The following UNC13B variants were observed in gnomAD, a reference collection of about 807,000 sequenced individuals.
The protein encoded by UNC13B is protein unc-13 homolog B.
Under a neutral mutation model 211.0 loss-of-function variants are expected in UNC13B, and 144 were observed. The ratio of observed to expected loss-of-function variants is 0.68; its 90% confidence interval spans 0.60 to 0.78. UNC13B has a LOEUF of 0.78. Among genes scored for constraint, UNC13B ranks in the 30% least tolerant of loss-of-function variants. The pLI, the probability that UNC13B is intolerant of heterozygous loss-of-function variation, is 0.00. For synonymous variants in UNC13B, 709 were observed against 725.8 expected (o/e 0.98, Z 0.37); for missense variants, 1,777 against 2,002.0 (o/e 0.89, Z 2.14).
At chr9:35,401,334 G>C (rs1836286512) in intron 37 of UNC13B, among the ~76,000 whole-genome samples, 1 of 152,196 alleles carries the variant, frequency 6.6e-6, no homozygotes, top group African/African-American at 2.4e-5. Context: ...GGGACCGAAA[G>C]TACTGCTCTA....
At chr9:35,209,667 A>G (rs935763129) in intron 1 of UNC13B, among the ~76,000 whole-genome samples, 1 of 152,198 alleles carries the variant, frequency 6.6e-6, no homozygotes, top group Non-Finnish European at 1.5e-5. Flanking sequence ...CATGGGCCAC[A>G]CGCCCAGCCA....
rs748043867 is a variant in UNC13B at position 35,303,906 on chromosome 9, T to A, written c.4502T>A (p.Val1501Asp). 7.3e-5 allele frequency: 29 copies of A among 398,668 alleles called. No homozygotes were observed. The highest frequency in any genetic ancestry group is 1.3e-4 in the Non-Finnish European group (29 of 225,866). The allele number at this position is 398,668 out of a possible 1,614,324, so 24.7% of individuals were successfully genotyped here. A position where few individuals can be genotyped will look rare whatever the true frequency, so the allele number is the denominator to read the frequency against. ...TCATTAAGAATGGATGAAAACTTTG[T>A]TTTTTCAAGTTTTGGTTATGAGTAC... ...QESLRMDENF[V>D]FSSFGYEYQE... The change falls in exon 9 of 40, where the codon GTT becomes GAT. Residue 1501 changes from valine (V) to aspartate (D), a missense_variant. Val to Asp is a radical substitution (Grantham distance 152). Transcript: ENST00000635942.
At chr9:35,183,247 G>A (rs562629586) in intron 1 of UNC13B, among the ~76,000 whole-genome samples, 41 of 136,674 alleles carry the variant, frequency 3.0e-4, no homozygotes, top group African/African-American at 9.9e-4. Context: ...GACGAAGGGC[G>A]GCCGGGCAGA....
intron 11 of UNC13B, among the ~76,000 whole-genome samples, chr9:35,325,069 A>C (rs1830934037): frequency 6.6e-6 from 1 of 152,234 alleles, no homozygotes; most frequent in Admixed American, 6.5e-5. Context: ...AGAGAAAGCG[A>C]AGACATTCTT....
chr9:35,295,619 A>C, intron 7 of UNC13B, 77 bp from the exon 8 acceptor site: 2 of 1,415,630 alleles, frequency 1.4e-6, no homozygotes, highest in Admixed American at 1.8e-5. Flanking sequence ...ACTTGTTACT[A>C]CTAAGTTAGA....
chr9:35,283,985 C>T (rs572960218), intron 7 of UNC13B, among the ~76,000 whole-genome samples: 23 of 152,230 alleles, frequency 1.5e-4, no homozygotes, highest in East Asian at 5.8e-4. Context: ...ACAGGCCGGG[C>T]GTGGTGTTTC....
chr9:35,325,322 G>A (rs1293033105), intron 11 of UNC13B, among the ~76,000 whole-genome samples: 5 of 152,038 alleles, frequency 3.3e-5, no homozygotes, highest in South Asian at 2.1e-4. Context: ...ACCCATTCTC[G>A]CCTATTCTCA....
chr9:35,394,344 C>T (rs893421269), intron 26 of UNC13B, among the ~76,000 whole-genome samples: 11 of 152,282 alleles, frequency 7.2e-5, no homozygotes, highest in African/African-American at 2.6e-4. Context: ...GCCTGTAATC[C>T]CAGCACTTTA....
At chr9:35,202,246 C>T (rs533952372) in intron 1 of UNC13B, among the ~76,000 whole-genome samples, 3 of 152,244 alleles carry the variant, frequency 2.0e-5, no homozygotes, top group African/African-American at 2.4e-5. Context: ...CTGAGGAGTG[C>T]TTTACTTCCA....
intron 11 of UNC13B, among the ~76,000 whole-genome samples, chr9:35,325,599 A>C (rs1830961385): frequency 6.6e-6 from 1 of 152,220 alleles, no homozygotes; most frequent in Non-Finnish European, 1.5e-5. Context: ...TAATTAATAT[A>C]ACATAAAGCC....
chr9:35,380,232 C>G, intron 17 of UNC13B, among the ~76,000 whole-genome samples: 1 of 152,270 alleles, frequency 6.6e-6, no homozygotes, highest in East Asian at 1.9e-4. Flanking sequence ...ACCCCTTGCC[C>G]TTTGTTCTAG....
intron 7 of UNC13B, among the ~76,000 whole-genome samples, chr9:35,275,477 A>G (rs1427708547): frequency 6.6e-6 from 1 of 152,070 alleles, no homozygotes; most frequent in Non-Finnish European, 1.5e-5. Context: ...AGAGGTAATC[A>G]TCGTTAGCAT....
chr9:35,179,189 A>T (rs1041547830), intron 1 of UNC13B, among the ~76,000 whole-genome samples: 78 of 152,210 alleles, frequency 5.1e-4, no homozygotes, highest in African/African-American at 1.8e-3. Context: ...TATTTTTAAT[A>T]AAAGTATTTA....
At chr9:35,210,358 A>G (rs1823899850) in intron 1 of UNC13B, among the ~76,000 whole-genome samples, 1 of 152,066 alleles carries the variant, frequency 6.6e-6, no homozygotes, top group Non-Finnish European at 1.5e-5. Context: ...CATTTCACAT[A>G]CTCATTAGCC....
At chr9:35,356,198 C>G (rs1833009644) in intron 11 of UNC13B, among the ~76,000 whole-genome samples, 2 of 152,194 alleles carry the variant, frequency 1.3e-5, no homozygotes, top group Non-Finnish European at 1.5e-5. Context: ...AGGCCAGACT[C>G]TCACCAACAT....
rs541005007 is a variant in UNC13B at position 35,404,444 on chromosome 9, C to G, written c.*411C>G. ...AGTTTAGAAGGTGTGGAACTTGTGC[C>G]TGGCTGGCTGGGTAGTCAGCTGAGC... is the stretch of plus-strand genomic sequence containing the variant. On this transcript the variant is annotated 3_prime_UTR_variant, in exon 40 of 40. Coordinates refer to ENST00000635942, the MANE Select transcript of UNC13B (RefSeq NM_001371189.2). The G allele has an allele frequency of 5.1e-6, 1 of 196,882 alleles. No homozygotes were observed. Among genetic ancestry groups the G allele is most frequent in the Non-Finnish European group, 1.1e-5 (1 of 94,720 alleles). 12.2% of individuals were successfully genotyped at this position (196,882 alleles called of 1,614,324 possible). A position where few individuals can be genotyped will look rare whatever the true frequency, so the allele number is the denominator to read the frequency against.
At position 35,307,184 on chromosome 9, in the gene UNC13B, A is replaced by T; in HGVS notation, c.7780A>T (p.Asn2594Tyr). 2.5e-6 allele frequency: 1 copy of T among 399,006 alleles called. No individual in the cohort carries two copies. The highest frequency in any genetic ancestry group is 4.4e-6 in the Non-Finnish European group (1 of 226,074). 24.7% of individuals were successfully genotyped at this position (399,006 alleles called of 1,614,324 possible). ...TAAACTAACAACCAAAATGGAAGAC[A>T]ATAATACTCCTGAAAATATTCTGGA... ...DPKLTTKMED[N>Y]NTPENILEPQ... Residue 2594 changes from asparagine (N) to tyrosine (Y), a missense_variant, in exon 9 of 40, where the codon AAT becomes TAT. Physicochemically the swap from Asn to Tyr is moderately radical, Grantham distance 143 (BLOSUM62 -2). Coordinates refer to ENST00000635942, the MANE Select transcript of UNC13B (RefSeq NM_001371189.2).
intron 10 of UNC13B, among the ~76,000 whole-genome samples, chr9:35,312,152 G>A (rs1025454623): frequency 6.6e-6 from 1 of 152,160 alleles, no homozygotes; most frequent in African/African-American, 2.4e-5. Flanking sequence ...AGTGATAAGG[G>A]ATGGGTGTGA....
rs1281239064 is a variant in UNC13B, at chr9:35,322,936, T to TA, written c.9414+8955dup. 1.2e-4 allele frequency among the ~76,000 whole-genome samples: 18 copies of TA among 151,792 alleles called. No homozygotes were observed. The South Asian group carries it at 3.1e-3, about 26-fold the overall frequency. ...CTAACCATTGCCATTCTAACATTTC[T>TA]AAAAAAAACTGAAGAATGTTTTGAA... On this transcript the variant is annotated intron_variant, in intron 11 of 39. Transcript: ENST00000635942.
Sources: gnomAD v4.1 joint callset for allele counts (sites outside exome capture counted in the v4.1 genomes callset) on GRCh38, gnomAD v4.1.1 for gene constraint, MANE v1.5 for transcripts, NCBI Gene and HGNC (gene_info 2026-07-23, HGNC 2026-07-21) for gene names.